TMEM117: variants seen among roughly 807,000 people sequenced by gnomAD.
The protein encoded by TMEM117 is transmembrane protein 117.
TMEM117 carries 27 observed loss-of-function variants against 52.4 expected under a neutral mutation model. That is an observed-to-expected ratio of 0.51 (90% CI 0.38 to 0.71). TMEM117 has a LOEUF of 0.71. TMEM117 is among the 30% of genes least tolerant of loss of function. The pLI, the probability that TMEM117 is intolerant of heterozygous loss-of-function variation, is 0.00. For missense variants in TMEM117, 556 were observed against 630.5 expected (o/e 0.88, Z 1.26); for synonymous variants, 215 against 206.3 (o/e 1.04, Z -0.36).
At chr12:44,298,574 T>G (rs1367292511) in intron 5 of TMEM117, among the ~76,000 whole-genome samples, 1 of 150,854 alleles carries the variant, frequency 6.6e-6, no homozygotes, top group South Asian at 2.1e-4. Context: ...AAGACTAATT[T>G]GAGTATTTTT....
chr12:43,958,956 A>G (rs374868571), intron 3 of TMEM117, among the ~76,000 whole-genome samples: 1,963 of 151,964 alleles, frequency 0.013, 15 homozygotes, highest in South Asian at 0.013. Context: ...GCAGGCGCCC[A>G]CCACCACGCC....
chr12:44,381,819 T>G (rs964447932), intron 7 of TMEM117, among the ~76,000 whole-genome samples: 11 of 152,112 alleles, frequency 7.2e-5, no homozygotes, highest in African/African-American at 2.7e-4. Flanking sequence ...GACTGTTTTT[T>G]TTTAAAGAGC....
intron 2 of TMEM117, among the ~76,000 whole-genome samples, chr12:43,922,032 A>G (rs1177469636): frequency 6.6e-6 from 1 of 152,122 alleles, no homozygotes; most frequent in Non-Finnish European, 1.5e-5. Flanking sequence ...TTAAACCTCC[A>G]TGTAAATTGC....
At chr12:43,938,131 G>A (rs1166424090) in intron 2 of TMEM117, among the ~76,000 whole-genome samples, 1 of 151,780 alleles carries the variant, frequency 6.6e-6, no homozygotes, top group East Asian at 1.9e-4. Context: ...GGCTGGGCTG[G>A]GTAGAGCATG....
At chr12:43,859,323 T>G (rs1267890502) in intron 2 of TMEM117, among the ~76,000 whole-genome samples, 1 of 152,142 alleles carries the variant, frequency 6.6e-6, no homozygotes, top group Non-Finnish European at 1.5e-5. Flanking sequence ...AACAGGCCAG[T>G]GTTTCTGGAT....
chr12:43,937,854 A>G (rs1051939582), intron 2 of TMEM117, among the ~76,000 whole-genome samples: 1 of 152,142 alleles, frequency 6.6e-6, no homozygotes, highest in African/African-American at 2.4e-5. Flanking sequence ...CAGTTTATAG[A>G]CAGGTGTAGC....
chr12:44,034,636 A>T (rs1291152046), intron 3 of TMEM117, among the ~76,000 whole-genome samples: 1 of 152,236 alleles, frequency 6.6e-6, no homozygotes, highest in Non-Finnish European at 1.5e-5. Context: ...AATCAAACTC[A>T]AATGAAATTA....
At chr12:43,838,121 A>ATTTGTGTTT (rs1157803269) in intron 1 of TMEM117, among the ~76,000 whole-genome samples, 2 of 151,654 alleles carry the variant, frequency 1.3e-5, no homozygotes, top group African/African-American at 4.8e-5. Context: ...TATTATTGCT[A>ATTTGTGTTT]TTTGTGTTTT....
chr12:44,255,176 T>C (rs1015306753), intron 5 of TMEM117, among the ~76,000 whole-genome samples: 55 of 152,290 alleles, frequency 3.6e-4, no homozygotes, highest in African/African-American at 1.3e-3. Context: ...ATATACCCAG[T>C]AATGGGATGG....
At chr12:44,136,491 A>G (rs1264826281) in intron 3 of TMEM117, among the ~76,000 whole-genome samples, 2 of 152,136 alleles carry the variant, frequency 1.3e-5, no homozygotes, top group Non-Finnish European at 2.9e-5. Flanking sequence ...AGACCTTTAT[A>G]TTTTGACTTT....
chr12:43,898,694 A>G (rs1477742459), intron 2 of TMEM117, among the ~76,000 whole-genome samples: 1 of 152,142 alleles, frequency 6.6e-6, no homozygotes, highest in East Asian at 1.9e-4. Context: ...GTGTTAAATA[A>G]CTTACTTCAC....
chr12:44,136,281 G>A (rs1948489058), intron 3 of TMEM117, among the ~76,000 whole-genome samples: 1 of 152,110 alleles, frequency 6.6e-6, no homozygotes, highest in Admixed American at 6.5e-5. Flanking sequence ...GATAAATGAA[G>A]TCTCTTTGTT....
chr12:44,292,721 G>A (rs1950720073), intron 5 of TMEM117, among the ~76,000 whole-genome samples: 1 of 151,904 alleles, frequency 6.6e-6, no homozygotes, highest in African/African-American at 2.4e-5. Context: ...TGACCCATTG[G>A]TTGTTCAGGT....
intron 5 of TMEM117, among the ~76,000 whole-genome samples, chr12:44,266,382 G>A (rs1258490926): frequency 6.6e-6 from 1 of 152,024 alleles, no homozygotes; most frequent in East Asian, 1.9e-4. Flanking sequence ...ACTATACTGA[G>A]CATCTTTTTA....
chr12:44,020,390 G>A (rs1027093039), intron 3 of TMEM117, among the ~76,000 whole-genome samples: 1 of 152,156 alleles, frequency 6.6e-6, no homozygotes, highest in Non-Finnish European at 1.5e-5. Context: ...GACCAACTGT[G>A]AAGGATTTAT....
chr12:43,875,220 A>AGTGT (rs63614060), intron 2 of TMEM117, among the ~76,000 whole-genome samples: 106 of 148,238 alleles, frequency 7.2e-4, no homozygotes, highest in African/African-American at 1.8e-3. Context: ...ATGGTGGGGA[A>AGTGT]GTGTGTGTGT....
intron 4 of TMEM117, among the ~76,000 whole-genome samples, chr12:44,152,664 T>G (rs1307635121): frequency 8.4e-4 from 111 of 132,360 alleles, no homozygotes; most frequent in African/African-American, 3.0e-3. Context: ...ATTTATATCA[T>G]ATATAATTTT....
At chr12:44,094,161 T>C (rs1592509998) in intron 3 of TMEM117, among the ~76,000 whole-genome samples, 1 of 152,280 alleles carries the variant, frequency 6.6e-6, no homozygotes, top group East Asian at 1.9e-4. Context: ...TATGCTTGAT[T>C]CAATTTAAAG....
intron 4 of TMEM117, among the ~76,000 whole-genome samples, chr12:44,172,339 C>A (rs997664385): frequency 6.6e-6 from 1 of 152,158 alleles, no homozygotes; most frequent in African/African-American, 2.4e-5. Context: ...GAGGAGGATC[C>A]TTTCTTGCCT....
Sources: gnomAD v4.1 joint callset for allele counts (sites outside exome capture counted in the v4.1 genomes callset) on GRCh38, gnomAD v4.1.1 for gene constraint, MANE v1.5 for transcripts, NCBI Gene and HGNC (gene_info 2026-07-23, HGNC 2026-07-21) for gene names.